NRXN1: variants seen among roughly 807,000 people sequenced by gnomAD.
NRXN1 encodes neurexin 1.
Under a neutral mutation model 150.9 loss-of-function variants are expected in NRXN1, and 39 were observed. The ratio of observed to expected loss-of-function variants is 0.26; its 90% CI spans 0.20 to 0.34. NRXN1 has a LOEUF of 0.34. Ranked by LOEUF, NRXN1 falls within the 10% of genes least tolerant of loss-of-function variation. The pLI is 1.00. For synonymous variants in NRXN1, 924 were observed against 757.0 expected (o/e 1.22, Z -3.62); for missense variants, 1,815 against 1,949.9 (o/e 0.93, Z 1.30).
At chr2:50,456,981 T>A (rs1321161350) in intron 17 of NRXN1, among the ~76,000 whole-genome samples, 1 of 152,200 alleles carries the variant, frequency 6.6e-6, no homozygotes, top group Admixed American at 6.6e-5. Context: ...CTATACAGAT[T>A]GTGAATCTGA....
At chr2:50,219,577 C>T (rs946654697) in intron 18 of NRXN1, among the ~76,000 whole-genome samples, 1 of 151,628 alleles carries the variant, frequency 6.6e-6, no homozygotes, top group African/African-American at 2.4e-5. Flanking sequence ...ACCTCTCATA[C>T]TAGTGTCTCA....
At chr2:50,869,233 G>A (rs779579727) in intron 5 of NRXN1, among the ~76,000 whole-genome samples, 1 of 151,522 alleles carries the variant, frequency 6.6e-6, no homozygotes, top group Non-Finnish European at 1.5e-5. Flanking sequence ...CTTTCTTCTG[G>A]AAAAACAAAC....
intron 12 of NRXN1, chr2:50,526,759 T>A (rs1036893945): frequency 2.0e-5 from 3 of 152,184 alleles, no homozygotes; most frequent in African/African-American, 4.8e-5. Flanking sequence ...GAATGTGCAG[T>A]CCTGTCCGAT....
intron 19 of NRXN1, among the ~76,000 whole-genome samples, chr2:50,088,604 T>C (rs1392137268): frequency 6.6e-6 from 1 of 152,232 alleles, no homozygotes; most frequent in Non-Finnish European, 1.5e-5. Flanking sequence ...CTGAAATAAC[T>C]ATATGTAAAG....
At chr2:50,614,084 A>C (rs1331234428) in intron 8 of NRXN1, among the ~76,000 whole-genome samples, 1 of 152,176 alleles carries the variant, frequency 6.6e-6, no homozygotes, top group African/African-American at 2.4e-5. Flanking sequence ...GGGATGAGGC[A>C]TATGGGAAGG....
At chr2:50,922,434 T>G in intron 4 of NRXN1, 1 of 616,346 alleles carries the variant, frequency 1.6e-6, no homozygotes, top group Admixed American at 2.9e-5. Context: ...GCAAATATTA[T>G]AATGCAAGAA....
At chr2:50,794,060 G>T (rs1300349035) in intron 5 of NRXN1, among the ~76,000 whole-genome samples, 1 of 151,976 alleles carries the variant, frequency 6.6e-6, no homozygotes, top group Non-Finnish European at 1.5e-5. Flanking sequence ...AAATTCACAG[G>T]ACATTCCACC....
chr2:50,989,626 T>C (rs1455141391), intron 2 of NRXN1, among the ~76,000 whole-genome samples: 1 of 152,018 alleles, frequency 6.6e-6, no homozygotes, highest in Admixed American at 6.6e-5. Context: ...TTGCCTGTAT[T>C]CGTATTTTGT....
At chr2:50,677,984 C>T (rs1001090223) in intron 5 of NRXN1, among the ~76,000 whole-genome samples, 17 of 151,906 alleles carry the variant, frequency 1.1e-4, no homozygotes, top group African/African-American at 4.1e-4. Flanking sequence ...TTAAATTTTC[C>T]TTCATTAAAA....
At chr2:50,700,238 C>T (rs552250512) in intron 5 of NRXN1, among the ~76,000 whole-genome samples, 65 of 152,232 alleles carry the variant, frequency 4.3e-4, no homozygotes, top group African/African-American at 1.4e-3. Flanking sequence ...GAGATTGCTC[C>T]ACCACAAGCT....
intron 17 of NRXN1, among the ~76,000 whole-genome samples, chr2:50,397,779 A>G (rs933843925): frequency 6.6e-6 from 1 of 152,096 alleles, no homozygotes; most frequent in Non-Finnish European, 1.5e-5. Context: ...TATCTTTAAA[A>G]GCTTCATTAC....
At chr2:50,593,203 G>A (rs1201219689) in intron 8 of NRXN1, among the ~76,000 whole-genome samples, 1 of 152,120 alleles carries the variant, frequency 6.6e-6, no homozygotes, top group Non-Finnish European at 1.5e-5. Flanking sequence ...TACTGTGGCG[G>A]GATAAATAAG....
intron 9 of NRXN1, among the ~76,000 whole-genome samples, chr2:50,542,542 T>C (rs1027983533): frequency 7.9e-5 from 12 of 152,202 alleles, no homozygotes; most frequent in Admixed American, 5.9e-4. Context: ...TCTATATGCT[T>C]TGCTAATTCG....
At chr2:50,055,146 T>G (rs1331598486) in intron 19 of NRXN1, 102 bp from the exon 20 acceptor site, 6 of 731,328 alleles carry the variant, frequency 8.2e-6, no homozygotes, top group Non-Finnish European at 1.3e-5. Flanking sequence ...CATGATTTTT[T>G]GAAATTTGGA....
intron 5 of NRXN1, among the ~76,000 whole-genome samples, chr2:50,858,544 G>A (rs1464224869): frequency 6.6e-6 from 1 of 151,578 alleles, no homozygotes; most frequent in African/African-American, 2.4e-5. Context: ...AAGAAGTCTT[G>A]AAGAAAAATA....
intron 8 of NRXN1, chr2:50,616,600 C>T (rs1414002856): frequency 6.6e-6 from 1 of 151,920 alleles, no homozygotes; most frequent in Admixed American, 6.6e-5. Flanking sequence ...ATTATATTTT[C>T]CTTGATAGGG....
chr2:49,963,169 T>C (rs1676299741), intron 21 of NRXN1, among the ~76,000 whole-genome samples: 1 of 152,198 alleles, frequency 6.6e-6, no homozygotes, highest in Non-Finnish European at 1.5e-5. Flanking sequence ...ATTTATCTGA[T>C]AATTCAATTG....
At chr2:50,766,207 G>C (rs1702366257) in intron 5 of NRXN1, among the ~76,000 whole-genome samples, 2 of 152,002 alleles carry the variant, frequency 1.3e-5, no homozygotes, top group South Asian at 4.1e-4. Flanking sequence ...ATCCATCAGA[G>C]GAACAGGAAT....
At chr2:50,384,858 C>A (rs1215771805) in intron 17 of NRXN1, among the ~76,000 whole-genome samples, 1 of 152,160 alleles carries the variant, frequency 6.6e-6, no homozygotes, top group African/African-American at 2.4e-5. Flanking sequence ...AGGTCTATCC[C>A]AGCTGCTCCT....
Sources: gnomAD v4.1 joint callset for allele counts (sites outside exome capture counted in the v4.1 genomes callset) on GRCh38, gnomAD v4.1.1 for gene constraint, MANE v1.5 for transcripts, NCBI Gene and HGNC (gene_info 2026-07-23, HGNC 2026-07-21) for gene names.